Variants in CD44 observed in about 807,000 individuals in gnomAD.
CD44 encodes CD44 molecule (IN blood group), also known as CD44 antigen.
CD44 carries 49 observed loss-of-function variants against 88.8 expected under a neutral mutation model. The observed-to-expected ratio is 0.55, with a 90% CI of 0.44 to 0.70. The LOEUF (loss-of-function observed/expected upper bound fraction) is 0.70, where lower values mean the gene tolerates loss of function less well. Among genes scored for constraint, CD44 ranks in the 30% least tolerant of loss-of-function variants. CD44 has a pLI of 0.00. For missense variants in CD44, 883 were observed against 913.8 expected (o/e 0.97, Z 0.43); for synonymous variants, 325 against 312.3 (o/e 1.04, Z -0.43).
chr11:35,188,939 A>G (rs921388982), intron 4 of CD44, among the ~76,000 whole-genome samples: 10 of 145,612 alleles, frequency 6.9e-5, no homozygotes, highest in Admixed American at 4.1e-4. Flanking sequence ...CTCCATCTCG[A>G]AAAAAAAAAA....
intron 1 of CD44, among the ~76,000 whole-genome samples, chr11:35,143,117 T>A (rs572529442): frequency 6.6e-6 from 1 of 152,242 alleles, no homozygotes; most frequent in Non-Finnish European, 1.5e-5. Flanking sequence ...TATATTACTC[T>A]ACAATATACC....
At chr11:35,181,937 T>TATATATTATATATTATATATTATATATAA (rs1565081096) in intron 3 of CD44, among the ~76,000 whole-genome samples, 1 of 66,942 alleles carries the variant, frequency 1.5e-5, no homozygotes, top group Non-Finnish European at 2.8e-5. Flanking sequence ...TATATATAAA[T>TATATATTATATATTATATATTATATATAA]TATATATAAT....
intron 1 of CD44, among the ~76,000 whole-genome samples, chr11:35,157,446 T>C (rs1425862566): frequency 6.6e-6 from 1 of 152,184 alleles, no homozygotes; most frequent in Non-Finnish European, 1.5e-5. Flanking sequence ...TCTATCTTTA[T>C]CTATTTATAT....
At chr11:35,144,107 C>T (rs544549454) in intron 1 of CD44, among the ~76,000 whole-genome samples, 58 of 152,316 alleles carry the variant, frequency 3.8e-4, no homozygotes, top group Non-Finnish European at 6.3e-4. Flanking sequence ...AGTGAGGTTT[C>T]GGATCCACCT....
At chr11:35,190,177 G>C in intron 5 of CD44, 112 bp downstream of exon 5, 1 of 919,518 alleles carries the variant, frequency 1.1e-6, no homozygotes, top group African/African-American at 1.6e-5. Context: ...TAGACAGCTG[G>C]AAGCTGGTGA....
intron 16 of CD44, among the ~76,000 whole-genome samples, chr11:35,220,374 T>C (rs7945284): frequency 0.56 from 75,592 of 134,458 alleles, 19,191 homozygotes; most frequent in East Asian, 0.77. Flanking sequence ...CCTGTCAGTC[T>C]CCCCCACTTC....
intron 1 of CD44, among the ~76,000 whole-genome samples, chr11:35,160,156 TG>T (rs1942419877): frequency 6.6e-6 from 1 of 152,220 alleles, no homozygotes; most frequent in African/African-American, 2.4e-5. Context: ...AGGTGAGGAT[TG>T]TCTCAGAACT....
intron 17 of CD44, among the ~76,000 whole-genome samples, chr11:35,224,168 G>C (rs1213311545): frequency 2.0e-5 from 3 of 152,188 alleles, no homozygotes; most frequent in Non-Finnish European, 2.9e-5. Context: ...TGACATACAA[G>C]GATGGGTCAT....
chr11:35,176,446 G>A (rs938000980), intron 1 of CD44, 129 bp from the exon 2 acceptor site: 1 of 720,694 alleles, frequency 1.4e-6, no homozygotes, highest in Middle Eastern at 4.0e-4. Context: ...CCAAAGTGCT[G>A]GGATTGTAGG....
At chr11:35,186,747 C>T in intron 3 of CD44, 85 bp from the exon 4 acceptor site, 1 of 795,266 alleles carries the variant, frequency 1.3e-6, no homozygotes, top group South Asian at 1.4e-5. Context: ...TATAGTAAAA[C>T]TCCATTCTAA....
At chr11:35,211,668 G>A (rs2134201403) in intron 14 of CD44, among the ~76,000 whole-genome samples, 1 of 103,610 alleles carries the variant, frequency 9.7e-6, no homozygotes, top group South Asian at 3.3e-4. Flanking sequence ...ATTTGTCTGT[G>A]TTTGCATGTG....
At position 35,229,451 on chromosome 11, in the gene CD44, A is replaced by G. The variant is rs750196328; in HGVS notation, c.*118A>G. 4.6e-6 allele frequency: 3 copies of G among 658,286 alleles called. No homozygotes were observed. The highest frequency in any genetic ancestry group is 7.7e-6 in the Non-Finnish European group (3 of 391,960). 40.8% of individuals were successfully genotyped at this position (658,286 alleles called of 1,614,324 possible). ...TGTTTCATTGCGAATCTTTTTTAGCATAAAATTTTCTACTCTTTTTGTTTT... is the reference window on the plus strand; with the variant it reads ...TGTTTCATTGCGAATCTTTTTTAGCGTAAAATTTTCTACTCTTTTTGTTTT... On this transcript the variant is annotated 3_prime_UTR_variant, in exon 18 of 18. Coordinates refer to ENST00000428726, the MANE Select transcript of CD44 (RefSeq NM_000610.4).
chr11:35,177,323 AT>A (rs1181806788), intron 2 of CD44, among the ~76,000 whole-genome samples: 3 of 152,352 alleles, frequency 2.0e-5, no homozygotes, highest in Admixed American at 1.3e-4. Flanking sequence ...CTAGAGCTGC[AT>A]AGAGCCTTCC....
Position 35,177,847 on chromosome 11 carries a change from T to G in CD44, c.233+1107T>G, listed in dbSNP as rs1358202053. 3.9e-5 allele frequency among the ~76,000 whole-genome samples: 6 copies of G among 152,240 alleles called. No individual in the cohort carries two copies. The East Asian group carries it at 1.2e-3, about 29-fold the overall frequency. On this transcript the variant is annotated intron_variant, in intron 2 of 17. Coordinates refer to ENST00000428726, the MANE Select transcript of CD44 (RefSeq NM_000610.4). ...TAAAATACTAAAATTAAAACTTTAG[T>G]TCTTCACTAGCACTAACTACATTTT...
chr11:35,212,113 G>A (rs1948449716), intron 14 of CD44, among the ~76,000 whole-genome samples: 3 of 151,954 alleles, frequency 2.0e-5, no homozygotes, highest in Non-Finnish European at 4.4e-5. Context: ...CCTAGAATAA[G>A]TCTTTTTTTT....
chr11:35,162,477 T>C (rs1222475222), intron 1 of CD44, among the ~76,000 whole-genome samples: 1 of 152,242 alleles, frequency 6.6e-6, no homozygotes, highest in Non-Finnish European at 1.5e-5. Context: ...AAGGAAGTTA[T>C]GTTTGGCCTG....
At chr11:35,188,018 T>C (rs1210614439) in intron 4 of CD44, among the ~76,000 whole-genome samples, 4 of 152,196 alleles carry the variant, frequency 2.6e-5, no homozygotes, top group Non-Finnish European at 2.9e-5. Context: ...TCCAGCACTT[T>C]AGAAATCAGA....
intron 1 of CD44, among the ~76,000 whole-genome samples, chr11:35,154,509 C>T (rs1941596624): frequency 2.0e-5 from 3 of 152,190 alleles, no homozygotes; most frequent in African/African-American, 4.8e-5. Flanking sequence ...AAGTACATGT[C>T]ATAATAGAAA....
At chr11:35,215,492 AT>A (rs928659228) in intron 15 of CD44, among the ~76,000 whole-genome samples, 1 of 152,210 alleles carries the variant, frequency 6.6e-6, no homozygotes, top group Non-Finnish European at 1.5e-5. Flanking sequence ...CATCACTGGT[AT>A]TTGTTGGGAA....
Sources: gnomAD v4.1 joint callset for allele counts (sites outside exome capture counted in the v4.1 genomes callset) on GRCh38, gnomAD v4.1.1 for gene constraint, MANE v1.5 for transcripts, NCBI Gene and HGNC (gene_info 2026-07-23, HGNC 2026-07-21) for gene names.